TENM4: variants seen among roughly 807,000 people sequenced by gnomAD.
The protein encoded by TENM4 is teneurin transmembrane protein 4.
Under a neutral mutation model 243.3 loss-of-function variants are expected in TENM4, and 82 were observed. The observed-to-expected ratio is 0.34, with a 90% CI of 0.28 to 0.40. The LOEUF is 0.40. Among genes scored for constraint, TENM4 ranks in the 10% least tolerant of loss-of-function variants. The probability of loss-of-function intolerance (pLI) is 1.00; values close to 1 mark genes in which losing one functional copy is unlikely to be tolerated. For missense variants in TENM4, 3,138 were observed against 3,673.3 expected (o/e 0.85, Z 3.77); for synonymous variants, 1,412 against 1,456.3 (o/e 0.97, Z 0.69).
intron 1 of TENM4, among the ~76,000 whole-genome samples, chr11:79,425,726 C>T (rs187288538): frequency 9.3e-4 from 141 of 152,322 alleles, no homozygotes; most frequent in African/African-American, 3.3e-3. Flanking sequence ...GTGGCCTTGG[C>T]TCCCATCCCT....
In TENM4 at chr11:79,046,824, G is replaced by A. The variant is rs112751854; in HGVS notation, c.493+17914C>T. Among the ~76,000 whole-genome samples, 505 of 152,186 alleles carry A rather than the reference G, an allele frequency of 3.3e-3. 4 individuals carry two copies. Among genetic ancestry groups the A allele is most frequent in the African/African-American group, 0.012 (488 of 41,520 alleles). The stretch of plus-strand genomic sequence containing the variant: ...CGAGACAATGAATTTCAGTTGTTTT[G>A]AGGCACTTGGTTTGTGGTACTTCGT... On this transcript the variant is annotated intron_variant, in intron 6 of 33. Coordinates refer to ENST00000278550, the MANE Select transcript of TENM4 (RefSeq NM_001098816.3).
chr11:79,142,553 C>T (rs1397267607), intron 4 of TENM4, among the ~76,000 whole-genome samples: 1 of 152,022 alleles, frequency 6.6e-6, no homozygotes, highest in Non-Finnish European at 1.5e-5. Flanking sequence ...AATACTCATG[C>T]TACCAAAAGG....
At chr11:79,267,954 G>A (rs1855908758) in intron 2 of TENM4, among the ~76,000 whole-genome samples, 1 of 152,176 alleles carries the variant, frequency 6.6e-6, no homozygotes, top group Non-Finnish European at 1.5e-5. Flanking sequence ...CAAAATGGAA[G>A]ATCCTTTCTG....
intron 3 of TENM4, among the ~76,000 whole-genome samples, chr11:79,211,628 C>T (rs1863958802): frequency 6.6e-6 from 1 of 152,144 alleles, no homozygotes; most frequent in Non-Finnish European, 1.5e-5. Flanking sequence ...CCACTCCATT[C>T]ATTTCTGTTT....
At chr11:79,244,439 ATGTGTG>A (rs10538527) in intron 2 of TENM4, among the ~76,000 whole-genome samples, 1 of 149,694 alleles carries the variant, frequency 6.7e-6, no homozygotes, top group African/African-American at 2.5e-5. Context: ...GTATGTGTCT[ATGTGTG>A]TGTGTGTGTG....
At chr11:79,274,285 A>C (rs1856016528) in intron 2 of TENM4, among the ~76,000 whole-genome samples, 1 of 152,260 alleles carries the variant, frequency 6.6e-6, no homozygotes, top group Admixed American at 6.5e-5. Flanking sequence ...ATTCTCGTGA[A>C]GGTCTTTTGC....
intron 14 of TENM4, among the ~76,000 whole-genome samples, chr11:78,808,014 G>C (rs1236880675): frequency 6.6e-6 from 1 of 152,200 alleles, no homozygotes; most frequent in Non-Finnish European, 1.5e-5. Flanking sequence ...TATCCTATCA[G>C]GACATTCAGT....
intron 4 of TENM4, among the ~76,000 whole-genome samples, chr11:79,078,977 C>A (rs1289917172): frequency 2.0e-5 from 3 of 152,214 alleles, no homozygotes; most frequent in African/African-American, 7.2e-5. Flanking sequence ...CTTAAATGTT[C>A]TATTTGTTCT....
At chr11:79,140,230 G>C (rs1014636253) in intron 4 of TENM4, among the ~76,000 whole-genome samples, 9 of 152,064 alleles carry the variant, frequency 5.9e-5, no homozygotes, top group African/African-American at 1.7e-4. Flanking sequence ...AACCTCTGCT[G>C]TGTGGTTTCC....
At chr11:78,809,958 GT>G (rs1857462842) in intron 14 of TENM4, among the ~76,000 whole-genome samples, 1 of 152,094 alleles carries the variant, frequency 6.6e-6, no homozygotes, top group Non-Finnish European at 1.5e-5. Flanking sequence ...AAAGGTCTAG[GT>G]TTTTTCTTTT....
In TENM4 at chr11:79,004,624, G is replaced by A. The variant is rs185735954; in HGVS notation, c.493+60114C>T. ...CATTGTTAAGATGAAAGACTATAGC[G>A]CTAAACAGTCACATCAAAAAGTTAG... On this transcript the variant is annotated intron_variant, in intron 6 of 33. Coordinates refer to ENST00000278550, the MANE Select transcript of TENM4 (RefSeq NM_001098816.3). 5.9e-4 allele frequency among the ~76,000 whole-genome samples: 90 copies of A among 152,084 alleles called. 1 individual carries two copies. The highest frequency in any genetic ancestry group is 5.0e-3 in the Admixed American group (76 of 15,268).
At chr11:79,167,995 A>G (rs1167899930) in intron 3 of TENM4, among the ~76,000 whole-genome samples, 1 of 152,238 alleles carries the variant, frequency 6.6e-6, no homozygotes, top group Admixed American at 6.5e-5. Context: ...CTCTCACCCT[A>G]GACAGTGCCA....
In TENM4 at chr11:78,670,361, T is replaced by C; in HGVS notation, c.5984A>G (p.Asp1995Gly). 1 of 1,613,924 alleles carries C rather than the reference T, an allele frequency of 6.2e-7. No homozygotes were observed. Among genetic ancestry groups the C allele is most frequent in the Non-Finnish European group, 8.5e-7 (1 of 1,179,858 alleles). Residue 1995 changes from aspartate to glycine, a missense_variant, in exon 32 of 34, where the codon GAT becomes GGT. Transcript: ENST00000278550. Reference protein sequence around the residue: ...NASVIQDFTEDGHLLHTFYLG... With the variant: ...NASVIQDFTEGGHLLHTFYLG... ...GTAGAAGGTGTGAAGGAGGTGCCCA[T>C]CCTCAGTGAAGTCCTGTATGACTGA... is the stretch of plus-strand genomic sequence containing the variant.
chr11:79,205,479 C>A lies in TENM4; in HGVS notation c.-163+10329G>T, dbSNP rs143246831. 8.0e-3 allele frequency among the ~76,000 whole-genome samples: 1,217 copies of A among 152,334 alleles called. 20 individuals carry two copies. Among genetic ancestry groups the A allele is most frequent in the African/African-American group, 0.028 (1,144 of 41,576 alleles). On this transcript the variant is annotated intron_variant, in intron 3 of 33. Transcript: ENST00000278550. ...TTTTATCTCCATACCCGCATCCCTTCCACCCCCAGCCCAGGTCCTCAACTC... is the reference window on the plus strand; with the variant it reads ...TTTTATCTCCATACCCGCATCCCTTACACCCCCAGCCCAGGTCCTCAACTC...
intron 2 of TENM4, among the ~76,000 whole-genome samples, chr11:79,277,502 C>T (rs1249437220): frequency 6.6e-6 from 1 of 152,140 alleles, no homozygotes; most frequent in Non-Finnish European, 1.5e-5. Flanking sequence ...GGATTTGAAC[C>T]CAGGTCTTTG....
chr11:79,290,827 A>G (rs1171164712), intron 2 of TENM4, among the ~76,000 whole-genome samples: 1 of 152,204 alleles, frequency 6.6e-6, no homozygotes, highest in Non-Finnish European at 1.5e-5. Context: ...AAGATGTGAC[A>G]TTTAAATGGG....
At chr11:79,379,953 T>C (rs900718225) in intron 1 of TENM4, among the ~76,000 whole-genome samples, 10 of 152,164 alleles carry the variant, frequency 6.6e-5, no homozygotes, top group Non-Finnish European at 1.5e-4. Context: ...AGCTCTGCTT[T>C]AGACATGTTG....
chr11:78,880,910 G>T (rs984389532), intron 9 of TENM4, among the ~76,000 whole-genome samples: 2 of 152,184 alleles, frequency 1.3e-5, no homozygotes, highest in African/African-American at 4.8e-5. Flanking sequence ...GAGAATGAGA[G>T]GGGGGTTGAC....
At chr11:79,150,003 G>A (rs1862472242) in intron 3 of TENM4, among the ~76,000 whole-genome samples, 2 of 152,130 alleles carry the variant, frequency 1.3e-5, no homozygotes, top group Admixed American at 1.3e-4. Context: ...ATGTCACCTA[G>A]GCAGGTAGAG....
Sources: allele counts gnomAD v4.1 joint callset (sites outside exome capture counted in the v4.1 genomes callset), GRCh38; gene constraint gnomAD v4.1.1; transcripts MANE v1.5; gene names NCBI Gene and HGNC (gene_info 2026-07-23, HGNC 2026-07-21).